TAFA1: variants seen among roughly 807,000 people sequenced by gnomAD.
TAFA1 encodes chemokine-like protein TAFA-1.
In TAFA1, 4 loss-of-function variants were observed where a neutral mutation model predicts 18.5. The observed-to-expected ratio is 0.22, with a 90% CI of 0.11 to 0.49. The LOEUF (loss-of-function observed/expected upper bound fraction) is 0.49, where lower values mean the gene tolerates loss of function less well. Among genes scored for constraint, TAFA1 ranks in the 20% least tolerant of loss-of-function variants. The probability of loss-of-function intolerance (pLI) is 0.98; values close to 1 mark genes in which losing one functional copy is unlikely to be tolerated. For synonymous variants in TAFA1, 56 were observed against 55.2 expected (o/e 1.01, Z -0.06); for missense variants, 147 against 169.0 (o/e 0.87, Z 0.72).
chr3:68,477,186 C>T (rs1575903793), intron 3 of TAFA1, among the ~76,000 whole-genome samples: 2 of 151,846 alleles, frequency 1.3e-5, no homozygotes, highest in East Asian at 3.9e-4. Flanking sequence ...ATAGTATATA[C>T]TCTTTTATAT....
chr3:68,121,716 T>C (rs2065401239), intron 2 of TAFA1, among the ~76,000 whole-genome samples: 1 of 152,178 alleles, frequency 6.6e-6, no homozygotes, highest in African/African-American at 2.4e-5. Context: ...TTGTTCAACA[T>C]CATACCTTTG....
chr3:68,006,533 C>T (rs1575569813), intron 1 of TAFA1, 91 bp from the exon 2 acceptor site: 3 of 807,428 alleles, frequency 3.7e-6, no homozygotes, highest in East Asian at 4.9e-5. Context: ...AGGAACATGA[C>T]GTCTGAGACC....
intron 3 of TAFA1, among the ~76,000 whole-genome samples, chr3:68,447,467 C>T (rs1447958748): frequency 2.0e-5 from 3 of 152,166 alleles, no homozygotes; most frequent in Non-Finnish European, 2.9e-5. Context: ...TCAGGATCCA[C>T]TCATTCCCCC....
At chr3:68,324,737 C>G (rs1002741957) in intron 2 of TAFA1, among the ~76,000 whole-genome samples, 4 of 152,108 alleles carry the variant, frequency 2.6e-5, no homozygotes, top group Non-Finnish European at 5.9e-5. Flanking sequence ...ACTGCAATTA[C>G]TTTTGCACCA....
chr3:68,110,369 G>C (rs917155746), intron 2 of TAFA1, among the ~76,000 whole-genome samples: 1 of 152,132 alleles, frequency 6.6e-6, no homozygotes, highest in Non-Finnish European at 1.5e-5. Flanking sequence ...TCTTTATCCA[G>C]TCTATCATTG....
chr3:68,252,598 G>A (rs1219755182), intron 2 of TAFA1, among the ~76,000 whole-genome samples: 1 of 152,054 alleles, frequency 6.6e-6, no homozygotes, highest in South Asian at 2.1e-4. Flanking sequence ...ATCATTGGAG[G>A]CATCTGTCTT....
At chr3:68,429,747 C>T (rs919718407) in intron 3 of TAFA1, among the ~76,000 whole-genome samples, 1 of 151,866 alleles carries the variant, frequency 6.6e-6, no homozygotes, top group Non-Finnish European at 1.5e-5. Context: ...AATGCATCCT[C>T]AAAACCCCTT....
At chr3:68,031,219 A>T (rs2106652083) in intron 2 of TAFA1, among the ~76,000 whole-genome samples, 1 of 152,292 alleles carries the variant, frequency 6.6e-6, no homozygotes, top group African/African-American at 2.4e-5. Flanking sequence ...ACATTATTAT[A>T]AAAAGATAAA....
intron 3 of TAFA1, among the ~76,000 whole-genome samples, chr3:68,487,853 A>T (rs1035533970): frequency 6.7e-6 from 1 of 150,306 alleles, no homozygotes; most frequent in African/African-American, 2.4e-5. Flanking sequence ...CATTCATCAT[A>T]TTGAAACATT....
intron 2 of TAFA1, among the ~76,000 whole-genome samples, chr3:68,318,877 A>C (rs2068650232): frequency 6.6e-6 from 1 of 152,208 alleles, no homozygotes; most frequent in African/African-American, 2.4e-5. Flanking sequence ...TACTAATAAA[A>C]GAAATAGATC....
chr3:68,129,131 G>C (rs1012746512), intron 2 of TAFA1, among the ~76,000 whole-genome samples: 17 of 152,164 alleles, frequency 1.1e-4, no homozygotes, highest in African/African-American at 3.6e-4. Context: ...TGGGGCAGGA[G>C]GGGGTTTGTT....
chr3:68,019,614 A>T (rs975362885), intron 2 of TAFA1, among the ~76,000 whole-genome samples: 5 of 152,184 alleles, frequency 3.3e-5, no homozygotes, highest in Admixed American at 6.5e-5. Context: ...TGATTTGATC[A>T]TTTGCAGCAG....
At chr3:68,215,437 C>T (rs1427569326) in intron 2 of TAFA1, among the ~76,000 whole-genome samples, 1 of 151,908 alleles carries the variant, frequency 6.6e-6, no homozygotes, top group Admixed American at 6.6e-5. Flanking sequence ...GGTAATCTTG[C>T]TTGGATTTGG....
chr3:68,540,221 C>G (rs1421062040), intron 4 of TAFA1, among the ~76,000 whole-genome samples: 1 of 152,108 alleles, frequency 6.6e-6, no homozygotes, highest in African/African-American at 2.4e-5. Context: ...TTTTGACCCC[C>G]TTGACCAGTA....
chr3:68,041,927 A>T (rs1705173397), intron 2 of TAFA1, among the ~76,000 whole-genome samples: 1 of 151,028 alleles, frequency 6.6e-6, no homozygotes, highest in African/African-American at 2.5e-5. Context: ...ATGGACCTGG[A>T]GTAGAGATTG....
chr3:68,317,878 ACTTG>A (rs1233921664), intron 2 of TAFA1, among the ~76,000 whole-genome samples: 1 of 152,074 alleles, frequency 6.6e-6, no homozygotes, highest in Non-Finnish European at 1.5e-5. Flanking sequence ...TTTTAGAGAC[ACTTG>A]CTGATGAGTA....
At chr3:68,522,504 G>T (rs992040336) in intron 3 of TAFA1, among the ~76,000 whole-genome samples, 1 of 152,136 alleles carries the variant, frequency 6.6e-6, no homozygotes, top group African/African-American at 2.4e-5. Flanking sequence ...CTAGTCAATT[G>T]GACTGGTGCT....
Position 68,053,796 on chromosome 3 carries a change from C to T in TAFA1, c.118+47052C>T, listed in dbSNP as rs531519270. On this transcript the variant is annotated intron_variant, in intron 2 of 4. Transcript: ENST00000478136. ...ATAGCTCACTGCAGCCTTGAACTTC[C>T]GGGCTCAAGCCATCCTCCTGCCTCA... Among the ~76,000 whole-genome samples the T allele has an allele frequency of 8.5e-5, 13 of 152,216 alleles. No homozygotes were observed. The South Asian group carries it at 1.0e-3, about 12-fold the overall frequency.
At chr3:68,510,167 A>G (rs1559699309) in intron 3 of TAFA1, among the ~76,000 whole-genome samples, 2 of 152,028 alleles carry the variant, frequency 1.3e-5, no homozygotes, top group Non-Finnish European at 2.9e-5. Context: ...GTCCACTAAC[A>G]TAAATCTTCC....
Sources: gnomAD v4.1 joint callset for allele counts (sites outside exome capture counted in the v4.1 genomes callset) on GRCh38, gnomAD v4.1.1 for gene constraint, MANE v1.5 for transcripts, NCBI Gene and HGNC (gene_info 2026-07-23, HGNC 2026-07-21) for gene names.